COL24A1: variants seen among roughly 807,000 people sequenced by gnomAD.
The protein encoded by COL24A1 is collagen type XXIV alpha 1 chain.
In COL24A1, 224 loss-of-function variants were observed where a neutral mutation model predicts 253.9. The observed-to-expected ratio is 0.88, with a 90% CI of 0.79 to 0.99. The LOEUF (loss-of-function observed/expected upper bound fraction) is 0.99. Among genes scored for constraint, COL24A1 ranks in the 50% least tolerant of loss-of-function variants. The pLI is 0.00. For synonymous variants in COL24A1, 685 were observed against 673.7 expected (o/e 1.02, Z -0.26); for missense variants, 2,131 against 2,068.5 (o/e 1.03, Z -0.59).
At chr1:85,825,215 T>A (rs1674139926) in intron 43 of COL24A1, among the ~76,000 whole-genome samples, 1 of 151,970 alleles carries the variant, frequency 6.6e-6, no homozygotes, top group Non-Finnish European at 1.5e-5. Context: ...AGAATGATGA[T>A]TTCCAATTTC....
chr1:85,874,572 A>T, intron 35 of COL24A1, 77 bp downstream of exon 35: 1 of 1,286,624 alleles, frequency 7.8e-7, no homozygotes, highest in South Asian at 1.4e-5. Context: ...CAATTTTTTG[A>T]GTGTTTCGAA....
chr1:85,884,300 C>A (rs188619421), intron 32 of COL24A1, among the ~76,000 whole-genome samples: 3 of 152,150 alleles, frequency 2.0e-5, no homozygotes, highest in Admixed American at 2.0e-4. Context: ...GGTGAATAGG[C>A]CTTTAATGTG....
intron 9 of COL24A1, 96 bp from the exon 10 acceptor site, chr1:86,058,071 T>A (rs1265578223): frequency 1.1e-6 from 1 of 932,646 alleles, no homozygotes; most frequent in African/African-American, 1.7e-5. Context: ...GCTATCATTT[T>A]CAAAACTATA....
At chr1:85,927,871 C>A (rs1313994303) in intron 24 of COL24A1, among the ~76,000 whole-genome samples, 1 of 137,034 alleles carries the variant, frequency 7.3e-6, no homozygotes, top group Non-Finnish European at 1.6e-5. Flanking sequence ...AGCTGAGGGT[C>A]CTGTCTGTTA....
At chr1:86,093,328 G>A (rs1449896318) in intron 5 of COL24A1, among the ~76,000 whole-genome samples, 1 of 152,012 alleles carries the variant, frequency 6.6e-6, no homozygotes, top group Non-Finnish European at 1.5e-5. Flanking sequence ...GGGGGGTCCA[G>A]TTTTAATGTT....
intron 28 of COL24A1, among the ~76,000 whole-genome samples, chr1:85,906,796 G>A (rs894123962): frequency 6.6e-6 from 1 of 151,772 alleles, no homozygotes; most frequent in Non-Finnish European, 1.5e-5. Context: ...TATTCATCTT[G>A]TGTATCTTTG....
At chr1:85,791,611 C>T (rs963316827) in intron 47 of COL24A1, among the ~76,000 whole-genome samples, 3 of 152,070 alleles carry the variant, frequency 2.0e-5, no homozygotes, top group African/African-American at 7.2e-5. Context: ...AAATGACATG[C>T]TAAAAGGCAA....
chr1:86,034,151 CACATA>C (rs1443620654), intron 12 of COL24A1, among the ~76,000 whole-genome samples: 5 of 151,662 alleles, frequency 3.3e-5, no homozygotes, highest in South Asian at 2.1e-4. Context: ...TTTTATATGC[CACATA>C]ACATATACAG....
At chr1:85,857,458 C>CAAAAAAAAAAAAA (rs57368737) in intron 37 of COL24A1, among the ~76,000 whole-genome samples, 1 of 94,482 alleles carries the variant, frequency 1.1e-5, no homozygotes, top group African/African-American at 4.2e-5. Context: ...CCCTCTTCTC[C>CAAAAAAAAAAAAA]AAAAAAAAAA....
chr1:86,094,120 T>A (rs2101990263), intron 5 of COL24A1, among the ~76,000 whole-genome samples: 1 of 152,146 alleles, frequency 6.6e-6, no homozygotes. Context: ...ACCATTTGAC[T>A]CAGCAATCCC....
At chr1:85,848,993 C>T (rs1412320387) in intron 38 of COL24A1, among the ~76,000 whole-genome samples, 1 of 152,126 alleles carries the variant, frequency 6.6e-6, no homozygotes, top group African/African-American at 2.4e-5. Context: ...TAGTTACATT[C>T]TCTTCCCTCA....
In COL24A1 at chr1:85,935,220, A is replaced by G. The variant is rs1376814063; in HGVS notation, c.2563-23787T>C. ...AGTTCTTATGCTTAGATGAGTCACC[A>G]AAGAGAATATGTAGAACAAAAAGAG... is the stretch of plus-strand genomic sequence containing the variant. On this transcript the variant is annotated intron_variant, in intron 24 of 59. Coordinates refer to ENST00000370571, the MANE Select transcript of COL24A1 (RefSeq NM_152890.7). Among the ~76,000 whole-genome samples the G allele has an allele frequency of 1.7e-5, 2 of 118,306 alleles. 1 individual carries two copies. Among genetic ancestry groups the G allele is most frequent in the Non-Finnish European group, 3.8e-5 (2 of 53,230 alleles). 77.6% of individuals were successfully genotyped at this position (118,306 alleles called of 152,430 possible). A position where few individuals can be genotyped will look rare whatever the true frequency, so the allele number is the denominator to read the frequency against.
At chr1:85,799,367 T>G in intron 47 of COL24A1, among the ~76,000 whole-genome samples, 1 of 113,396 alleles carries the variant, frequency 8.8e-6, no homozygotes, top group Admixed American at 1.1e-4. Flanking sequence ...AGGAACACCA[T>G]GGTGCCATGA....
chr1:85,878,864 A>G (rs895507533), intron 32 of COL24A1, among the ~76,000 whole-genome samples: 5 of 152,156 alleles, frequency 3.3e-5, no homozygotes, highest in African/African-American at 1.2e-4. Context: ...ACATTCTTCT[A>G]TGCCATTTCT....
At chr1:85,906,277 T>TTTTTTTTTTTTTTTTTTTTTTTTTTTTC (rs1684817809) in intron 28 of COL24A1, among the ~76,000 whole-genome samples, 1 of 147,610 alleles carries the variant, frequency 6.8e-6, no homozygotes, top group African/African-American at 2.5e-5. Context: ...TTTTTTTTTT[T>TTTTTTTTTTTTTTTTTTTTTTTTTTTTC]ACCATGGTTA....
At position 85,780,758 on chromosome 1, in the gene COL24A1, C is replaced by G. The variant is rs144164559; in HGVS notation, c.4338+462G>C. Among the ~76,000 whole-genome samples the G allele has an allele frequency of 5.0e-3, 767 of 152,274 alleles. 6 individuals carry two copies. The highest frequency in any genetic ancestry group is 0.018 in the African/African-American group (740 of 41,568). On this transcript the variant is annotated intron_variant, in intron 52 of 59. Transcript: ENST00000370571. ...TTCATCACTGTAACCTGTACTGTAT[C>G]TTCTACTGCAATTTATTCTCTCAAA...
intron 31 of COL24A1, among the ~76,000 whole-genome samples, chr1:85,891,265 C>T (rs1032620812): frequency 8.7e-5 from 13 of 149,696 alleles, no homozygotes; most frequent in Admixed American, 5.3e-4. Context: ...AGAGTTTCAC[C>T]GTGTTAACCA....
intron 19 of COL24A1, among the ~76,000 whole-genome samples, chr1:86,001,693 A>G (rs1006234189): frequency 3.3e-5 from 5 of 151,606 alleles, no homozygotes; most frequent in Non-Finnish European, 5.9e-5. Flanking sequence ...ATTATAGGGG[A>G]AAAAAAAGAG....
chr1:85,874,533 T>C (rs1432880596), intron 35 of COL24A1, 116 bp downstream of exon 35: 14 of 870,674 alleles, frequency 1.6e-5, no homozygotes, highest in Non-Finnish European at 2.3e-5. Flanking sequence ...CCAAACATTT[T>C]CTATAATGTA....
Sources: gnomAD v4.1 joint callset for allele counts (sites outside exome capture counted in the v4.1 genomes callset) on GRCh38, gnomAD v4.1.1 for gene constraint, MANE v1.5 for transcripts, NCBI Gene and HGNC (gene_info 2026-07-23, HGNC 2026-07-21) for gene names.